The following NUP88 variants were observed in gnomAD, a reference collection of about 807,000 sequenced individuals.
NUP88 encodes nucleoporin 88.
NUP88 carries 57 observed loss-of-function variants against 93.9 expected under a neutral mutation model. The ratio of observed to expected loss-of-function variants is 0.61; its 90% confidence interval spans 0.49 to 0.76. The LOEUF (loss-of-function observed/expected upper bound fraction) is 0.76, where lower values mean the gene tolerates loss of function less well. NUP88 is among the 30% of genes least tolerant of loss of function. NUP88 has a pLI of 0.00. For synonymous variants in NUP88, 346 were observed against 336.8 expected (o/e 1.03, Z -0.30); for missense variants, 911 against 901.0 (o/e 1.01, Z -0.14).
chr17:5,404,050 T>C, intron 7 of NUP88, 49 bp downstream of exon 7: 1 of 1,552,982 alleles, frequency 6.4e-7, no homozygotes, highest in Non-Finnish European at 8.9e-7. Context: ...ATGATAGTCT[T>C]AGTATAAAAA....
At chr17:5,386,932 T>A in intron 15 of NUP88, 52 bp downstream of exon 15, 1 of 1,603,642 alleles carries the variant, frequency 6.2e-7, no homozygotes, top group African/African-American at 1.3e-5. Context: ...TTCTGTAGAA[T>A]AAGTGCTTTA....
intron 4 of NUP88, among the ~76,000 whole-genome samples, chr17:5,409,197 A>G (rs1913677288): frequency 6.6e-6 from 1 of 152,086 alleles, no homozygotes; most frequent in African/African-American, 2.4e-5. Context: ...AACATGGTGA[A>G]ACCCCGTTTC....
intron 7 of NUP88, among the ~76,000 whole-genome samples, chr17:5,403,156 C>T (rs1285145726): frequency 6.6e-6 from 1 of 152,032 alleles, no homozygotes; most frequent in Non-Finnish European, 1.5e-5. Context: ...CCAGCCTGGC[C>T]AACATGGTGA....
At chr17:5,418,867 G>C (rs1914380732) in intron 1 of NUP88, among the ~76,000 whole-genome samples, 1 of 152,088 alleles carries the variant, frequency 6.6e-6, no homozygotes, top group African/African-American at 2.4e-5. Context: ...TCCCCATTTT[G>C]GGTATGGCTT....
At chr17:5,389,020 A>G in intron 10 of NUP88, 60 bp from the exon 11 acceptor site, 22 of 1,256,426 alleles carry the variant, frequency 1.8e-5, no homozygotes, top group Non-Finnish European at 2.4e-5. Context: ...ATTACAGGAA[A>G]GCAGAAACCA....
rs1911836530 is a variant in NUP88, at chr17:5,385,066, C to T, written c.*1140G>A. On this transcript the variant is annotated 3_prime_UTR_variant, in exon 17 of 17. Coordinates refer to ENST00000573584, the MANE Select transcript of NUP88 (RefSeq NM_002532.6). ...AGATATTTTTCTCCAGAAGATGGTG[C>T]TGGGTAATAAAATCATCACAATTAG... is the stretch of plus-strand genomic sequence containing the variant. The T allele has an allele frequency of 8.7e-6, 2 of 228,998 alleles. No individual in the cohort carries two copies. Among genetic ancestry groups the T allele is most frequent in the Non-Finnish European group, 1.7e-5 (2 of 115,494 alleles). The allele number at this position is 228,998 out of a possible 1,614,324, so 14.2% of individuals were successfully genotyped here.
chr17:5,400,064 C>T (rs1913047320), intron 7 of NUP88, among the ~76,000 whole-genome samples: 1 of 113,512 alleles, frequency 8.8e-6, no homozygotes, highest in Non-Finnish European at 1.8e-5. Flanking sequence ...AATGCTGACA[C>T]AGAGACAGCA....
Position 5,404,250 on chromosome 17 carries a change from T to C in NUP88, c.1045-4A>G, listed in dbSNP as rs1567572849. On this transcript the variant is annotated splice_region_variant and splice_polypyrimidine_tract_variant and intron_variant, in intron 6 of 16. Coordinates refer to ENST00000573584, the MANE Select transcript of NUP88 (RefSeq NM_002532.6). ...TGGAATCCCAGGACTTTTCTGACTG[T>C]AAAAAAAAGTGTTGTAATTTTGATC... is the stretch of plus-strand genomic sequence containing the variant. 1.9e-6 allele frequency: 3 copies of C among 1,606,052 alleles called. No individual in the cohort carries two copies. The highest frequency in any genetic ancestry group is 2.2e-5 in the East Asian group (1 of 44,786).
chr17:5,406,805 T>A (rs1315937653), intron 5 of NUP88, among the ~76,000 whole-genome samples: 1 of 152,108 alleles, frequency 6.6e-6, no homozygotes, highest in African/African-American at 2.4e-5. Context: ...ACAAATATCA[T>A]AATGTTCTAA....
At chr17:5,419,282 AGAG>A (rs1208543749) in intron 1 of NUP88, 69 bp downstream of exon 1, 5 of 1,450,886 alleles carry the variant, frequency 3.4e-6, no homozygotes, top group African/African-American at 1.4e-5. Flanking sequence ...AAAACAGCCA[AGAG>A]GAGCAAGGAA....
intron 3 of NUP88, among the ~76,000 whole-genome samples, chr17:5,411,338 C>A (rs1913829526): frequency 6.6e-6 from 1 of 152,084 alleles, no homozygotes; most frequent in Non-Finnish European, 1.5e-5. Flanking sequence ...CCGAGGTGAG[C>A]AGATCACTTG....
chr17:5,413,980 A>G, intron 3 of NUP88, 29 bp downstream of exon 3: 1 of 1,609,154 alleles, frequency 6.2e-7, no homozygotes, highest in Non-Finnish European at 8.5e-7. Context: ...CCCACTCGCA[A>G]GGCTTCAAGA....
intron 9 of NUP88, among the ~76,000 whole-genome samples, chr17:5,393,635 A>G (rs139385941): frequency 0.12 from 18,874 of 151,588 alleles, 1,361 homozygotes; most frequent in East Asian, 0.24. Flanking sequence ...ATGGGGTTTC[A>G]CCATCTTGGC....
intron 5 of NUP88, among the ~76,000 whole-genome samples, chr17:5,406,172 G>T (rs1913477417): frequency 6.6e-6 from 1 of 151,992 alleles, no homozygotes; most frequent in Admixed American, 6.6e-5. Context: ...GTGTACAAAG[G>T]AATGACAAAA....
intron 7 of NUP88, among the ~76,000 whole-genome samples, chr17:5,402,240 G>C (rs1913214756): frequency 6.6e-6 from 1 of 152,082 alleles, no homozygotes; most frequent in East Asian, 1.9e-4. Context: ...CCAGGGGGCG[G>C]AGGTTGAAGT....
intron 5 of NUP88, 128 bp from the exon 6 acceptor site, chr17:5,405,371 A>C: frequency 1.4e-6 from 1 of 707,452 alleles, no homozygotes; most frequent in South Asian, 2.2e-5. Flanking sequence ...TATTCCCAAT[A>C]CTCCATCTTC....
chr17:5,414,250 T>A, intron 2 of NUP88, 116 bp from the exon 3 acceptor site: 1 of 841,962 alleles, frequency 1.2e-6, no homozygotes, highest in Non-Finnish European at 1.8e-6. Flanking sequence ...GGCTGGAGTG[T>A]AACGGCACAA....
chr17:5,394,373 G>A (rs1014568280), intron 9 of NUP88, among the ~76,000 whole-genome samples: 95 of 152,274 alleles, frequency 6.2e-4, no homozygotes, highest in African/African-American at 2.0e-3. Context: ...AGGATGCCAA[G>A]GAGAATGTGT....
chr17:5,417,490 T>G (rs182398079), intron 1 of NUP88, among the ~76,000 whole-genome samples: 1 of 150,094 alleles, frequency 6.7e-6, no homozygotes, highest in Admixed American at 6.6e-5. Context: ...TAAAATACGT[T>G]TTTAAAAAAT....
Sources: allele counts gnomAD v4.1 joint callset (sites outside exome capture counted in the v4.1 genomes callset), GRCh38; gene constraint gnomAD v4.1.1; transcripts MANE v1.5; gene names NCBI Gene and HGNC (gene_info 2026-07-23, HGNC 2026-07-21).